Variants in MAP3K4 observed in about 807,000 individuals in gnomAD.
MAP3K4 encodes the protein MAP three kinase 1.
A neutral mutation model predicts 185.6 loss-of-function variants in MAP3K4; 67 were observed. The ratio of observed to expected loss-of-function variants is 0.36; its 90% CI spans 0.30 to 0.44. The LOEUF (loss-of-function observed/expected upper bound fraction) is 0.44, where lower values mean the gene tolerates loss of function less well. MAP3K4 is among the 20% of genes least tolerant of loss of function. The pLI is 1.00. For missense variants in MAP3K4, 1,551 were observed against 1,995.1 expected, an observed-to-expected ratio of 0.78 and a Z score of 4.24; for synonymous variants, 702 against 710.4, an observed-to-expected ratio of 0.99 and a Z score of 0.19.
At chr6:161,035,549 T>C (rs1783125362) in intron 2 of MAP3K4, among the ~76,000 whole-genome samples, 1 of 152,196 alleles carries the variant, frequency 6.6e-6, no homozygotes, top group Non-Finnish European at 1.5e-5. Context: ...AAAGAGTCTT[T>C]CCCACAAATG....
intron 3 of MAP3K4, among the ~76,000 whole-genome samples, chr6:161,052,586 A>C (rs1319396976): frequency 6.6e-6 from 1 of 152,228 alleles, no homozygotes; most frequent in Non-Finnish European, 1.5e-5. Context: ...AGTAACAGAG[A>C]GCGAAAGTGG....
chr6:160,998,628 G>C (rs1781117782), intron 1 of MAP3K4, among the ~76,000 whole-genome samples: 1 of 152,150 alleles, frequency 6.6e-6, no homozygotes, highest in African/African-American at 2.4e-5. Context: ...TTGGGTAATA[G>C]AGTATGTAGA....
rs749309115 is a variant in MAP3K4, at chr6:161,112,636, C to T, written c.4520-32C>T. ...AATACATGTTGATGTGTTTATAACC[C>T]ATTACTCTCAACATATCTGTGACTT... On this transcript the variant is annotated intron_variant, in intron 24 of 26. Coordinates refer to ENST00000392142, the MANE Select transcript of MAP3K4 (RefSeq NM_005922.4). The surrounding 1 kb of genome is among the most constrained non-coding windows in gnomAD (Gnocchi z 5.1). The T allele has an allele frequency of 5.6e-5, 78 of 1,385,998 alleles. No individual in the cohort carries two copies. The highest frequency in any genetic ancestry group is 7.4e-5 in the Non-Finnish European group (76 of 1,024,256). The allele number at this position is 1,385,998 out of a possible 1,614,324, so 85.9% of individuals were successfully genotyped here.
At chr6:161,102,048 T>G in intron 18 of MAP3K4, 56 bp downstream of exon 18, 1 of 1,406,952 alleles carries the variant, frequency 7.1e-7, no homozygotes, top group African/African-American at 1.4e-5. Flanking sequence ...TTTGTCTCAG[T>G]TCACCAGTTT....
rs533434983 is a variant in MAP3K4, at chr6:161,098,918, G to C, written c.3674+491G>C. On this transcript the variant is annotated intron_variant, in intron 17 of 26. Transcript: ENST00000392142. This position sits in a 1 kb window ranked among gnomAD's most constrained non-coding sequence, Gnocchi z 4.4. ...GTGGAAAAATGAGTTCATGGGGTTT[G>C]TATGTCATATGGAGAACAGATCAGT... Among the ~76,000 whole-genome samples the C allele has an allele frequency of 6.6e-6, 1 of 152,316 alleles. No homozygotes were observed. Among genetic ancestry groups the C allele is most frequent in the Admixed American group, 6.5e-5 (1 of 15,304 alleles).
intron 19 of MAP3K4, 44 bp downstream of exon 19, chr6:161,102,823 A>AC (rs1399383210): frequency 8.3e-7 from 1 of 1,203,456 alleles, no homozygotes; most frequent in Admixed American, 2.7e-5. Context: ...AAAAAAAAAA[A>AC]ACACGATTAC....
At position 161,108,879 on chromosome 6, in the gene MAP3K4, A is replaced by C; in HGVS notation, c.4236+20A>C. ...CATAGAGTAAGCCGACCCTAATGCC[A>C]CTCTTTGTGTGAGGAATCAGTGAGG... is the stretch of plus-strand genomic sequence containing the variant. On this transcript the variant is annotated intron_variant, in intron 22 of 26. Coordinates refer to ENST00000392142, the MANE Select transcript of MAP3K4 (RefSeq NM_005922.4). The surrounding 1 kb of genome is among the most constrained non-coding windows in gnomAD (Gnocchi z 5.7). The C allele has an allele frequency of 6.2e-7, 1 of 1,601,050 alleles. No homozygotes were observed. Among genetic ancestry groups the C allele is most frequent in the Non-Finnish European group, 8.6e-7 (1 of 1,168,294 alleles).
chr6:161,070,524 T>C lies in MAP3K4; in HGVS notation c.1708-84T>C. The stretch of plus-strand genomic sequence containing the variant: ...TTTTTGTAGATTTGTTAGCACATTG[T>C]AGAGAATAAGAGTTTATAACCACAA... On this transcript the variant is annotated intron_variant, in intron 3 of 26. Coordinates refer to ENST00000392142, the MANE Select transcript of MAP3K4 (RefSeq NM_005922.4). This position sits in a 1 kb window ranked among gnomAD's most constrained non-coding sequence, Gnocchi z 4.5. 9.1e-7 allele frequency: 1 copy of C among 1,103,774 alleles called. No individual in the cohort carries two copies. The allele number at this position is 1,103,774 out of a possible 1,614,324, so 68.4% of individuals were successfully genotyped here. A position where few individuals can be genotyped will look rare whatever the true frequency, so the allele number is the denominator to read the frequency against.
At chr6:161,015,658 C>T (rs1218898337) in intron 1 of MAP3K4, among the ~76,000 whole-genome samples, 11 of 152,076 alleles carry the variant, frequency 7.2e-5, no homozygotes. Context: ...CCAGCGTGTG[C>T]AGATCATGTG....
At chr6:161,044,876 G>A (rs1306994913) in intron 2 of MAP3K4, among the ~76,000 whole-genome samples, 1 of 152,124 alleles carries the variant, frequency 6.6e-6, no homozygotes, top group Non-Finnish European at 1.5e-5. Context: ...AATAGAGCGA[G>A]GACTGGCTGG....
chr6:161,092,778 G>A (rs1777385050), intron 13 of MAP3K4, among the ~76,000 whole-genome samples, 200 bp from the exon 14 acceptor site: 1 of 152,056 alleles, frequency 6.6e-6, no homozygotes, highest in Non-Finnish European at 1.5e-5. Context: ...CTTCCCATTG[G>A]TTTCAAAACA....
At chr6:161,111,495 T>G (rs1479306470) in intron 23 of MAP3K4, among the ~76,000 whole-genome samples, 1 of 152,208 alleles carries the variant, frequency 6.6e-6, no homozygotes, top group African/African-American at 2.4e-5. Context: ...TGTACACATC[T>G]CTCATTCTCC....
intron 1 of MAP3K4, among the ~76,000 whole-genome samples, chr6:160,999,938 T>C (rs572868396): frequency 1.1e-4 from 16 of 152,338 alleles, no homozygotes; most frequent in African/African-American, 3.8e-4. Flanking sequence ...AAACTTTTAT[T>C]TCTTGCTCGC....
At chr6:161,052,824 A>G (rs1049898934) in intron 3 of MAP3K4, among the ~76,000 whole-genome samples, 2 of 152,068 alleles carry the variant, frequency 1.3e-5, no homozygotes, top group Non-Finnish European at 2.9e-5. Flanking sequence ...ATGTCAGGAA[A>G]AGAGTCACAA....
chr6:160,994,045 T>A (rs944084866), intron 1 of MAP3K4, among the ~76,000 whole-genome samples: 1 of 152,232 alleles, frequency 6.6e-6, no homozygotes, highest in Non-Finnish European at 1.5e-5. Flanking sequence ...GTCTATCCAG[T>A]TGTTCATTTG....
rs1782154500 is a variant in MAP3K4, at chr6:161,017,142, A to G, written c.153-17117A>G. ...AAGGCCTTAGTTTAACCAACATTAT[A>G]TTAAATTATAAGGAAATGTTTAGGT... On this transcript the variant is annotated intron_variant, in intron 1 of 26. Coordinates refer to ENST00000392142, the MANE Select transcript of MAP3K4 (RefSeq NM_005922.4). The surrounding 1 kb of genome is among the most constrained non-coding windows in gnomAD (Gnocchi z 5.1). 6.6e-6 allele frequency among the ~76,000 whole-genome samples: 1 copy of G among 152,226 alleles called. No homozygotes were observed. The highest frequency in any genetic ancestry group is 2.1e-4 in the South Asian group (1 of 4,830).
chr6:161,111,775 A>C, intron 23 of MAP3K4, 61 bp from the exon 24 acceptor site: 1 of 1,560,904 alleles, frequency 6.4e-7, no homozygotes, highest in Non-Finnish European at 8.8e-7. Context: ...TTAGATTACC[A>C]TGTAACCTTG....
At chr6:161,035,149 C>T (rs1011811547) in intron 2 of MAP3K4, among the ~76,000 whole-genome samples, 2 of 152,126 alleles carry the variant, frequency 1.3e-5, no homozygotes, top group African/African-American at 4.8e-5. Context: ...TACGTGATGG[C>T]CTGGAATCTT....
intron 1 of MAP3K4, among the ~76,000 whole-genome samples, chr6:161,019,222 C>T (rs1041661733): frequency 6.6e-6 from 1 of 152,170 alleles, no homozygotes; most frequent in East Asian, 1.9e-4. Context: ...ACAGAAGAAA[C>T]CCTGTCACTG....
Sources: gnomAD v4.1 joint callset for allele counts (sites outside exome capture counted in the v4.1 genomes callset) on GRCh38, gnomAD v4.1.1 for gene constraint, Gnocchi (gnomAD v3.1) non-coding constraint, MANE v1.5 for transcripts, NCBI Gene and HGNC (gene_info 2026-07-23, HGNC 2026-07-21) for gene names.